Variants in KPNA7 observed in about 807,000 individuals in gnomAD.
KPNA7 encodes importin subunit alpha-8.
KPNA7 carries 54 observed loss-of-function variants against 53.7 expected under a neutral mutation model. That is an observed-to-expected ratio of 1.01 (90% confidence interval 0.81 to 1.26). The LOEUF (loss-of-function observed/expected upper bound fraction) is 1.26, where lower values mean the gene tolerates loss of function less well. Ranked by LOEUF, KPNA7 falls within the 50% of genes most tolerant of loss-of-function variation. KPNA7 has a pLI of 0.00. For missense variants in KPNA7, 640 were observed against 644.5 expected (o/e 0.99, Z 0.07); for synonymous variants, 276 against 259.3 (o/e 1.06, Z -0.62).
chr7:99,209,525 A>G (rs377271628), upstream of KPNA7, among the ~76,000 whole-genome samples: 2 of 151,996 alleles, frequency 1.3e-5, no homozygotes, highest in African/African-American at 4.8e-5. Context: ...CTCTACTAAA[A>G]GTACAAAATT....
the KPNA7 span, among the ~76,000 whole-genome samples, chr7:99,146,910 A>G: frequency 1.3e-5 from 2 of 152,134 alleles, no homozygotes; most frequent in Non-Finnish European, 2.9e-5. Flanking sequence ...TTTTGAATCA[A>G]AATTCGAAAT....
chr7:99,179,821 C>T (rs748945392), intron 9 of KPNA7, among the ~76,000 whole-genome samples: 46 of 151,926 alleles, frequency 3.0e-4, no homozygotes, highest in Non-Finnish European at 4.4e-4. Context: ...GTGATCTGCA[C>T]ACCTCGGCCT....
At chr7:99,161,213 T>G in the KPNA7 span, among the ~76,000 whole-genome samples, 3 of 147,058 alleles carry the variant, frequency 2.0e-5, no homozygotes, top group Non-Finnish European at 4.4e-5. Context: ...CTGTCTCCCA[T>G]GTACACAAAC....
intron 10 of KPNA7, 21 bp downstream of exon 10, chr7:99,177,899 C>G (rs1798973950): frequency 1.3e-6 from 2 of 1,551,426 alleles, no homozygotes; most frequent in Non-Finnish European, 1.7e-6. Flanking sequence ...GGATACTCCT[C>G]CACGCTCCTA....
the KPNA7 span, among the ~76,000 whole-genome samples, chr7:99,154,599 G>A: frequency 1.3e-5 from 2 of 148,698 alleles, no homozygotes; most frequent in East Asian, 3.9e-4. Flanking sequence ...GCACAATCTC[G>A]GCTCACTGTG....
the KPNA7 span, among the ~76,000 whole-genome samples, chr7:99,152,070 G>A: frequency 6.6e-6 from 1 of 152,154 alleles, no homozygotes; most frequent in African/African-American, 2.4e-5. Flanking sequence ...TGTAGTCCCA[G>A]CTACTCGGGA....
chr7:99,186,252 G>C (rs931882580), intron 7 of KPNA7, among the ~76,000 whole-genome samples: 1 of 152,106 alleles, frequency 6.6e-6, no homozygotes, highest in Non-Finnish European at 1.5e-5. Context: ...CTACGATTGG[G>C]CTCAAAACAA....
chr7:99,196,964 G>A (rs554535888), intron 3 of KPNA7, among the ~76,000 whole-genome samples: 39 of 152,130 alleles, frequency 2.6e-4, no homozygotes, highest in African/African-American at 9.2e-4. Context: ...ATAAACAACA[G>A]GCTAACAAAA....
At chr7:99,195,709 GAA>G (rs1412286374) in intron 4 of KPNA7, among the ~76,000 whole-genome samples, 4 of 151,882 alleles carry the variant, frequency 2.6e-5, no homozygotes, top group Non-Finnish European at 5.9e-5. Context: ...TCTCAAAAGA[GAA>G]AAAAAGAACC....
At chr7:99,179,059 G>C (rs1356650540) in intron 9 of KPNA7, among the ~76,000 whole-genome samples, 2 of 152,054 alleles carry the variant, frequency 1.3e-5, no homozygotes, top group Admixed American at 6.6e-5. Context: ...TTACAAGCAT[G>C]AGCCAATGCA....
In KPNA7 at chr7:99,180,478, C is replaced by A. The variant is rs546582571; in HGVS notation, c.1317+1405G>T. ...GATCACAGCACTCCAACCTCGGTGG[C>A]AGAGCAGAGATCCTATCTCTGTCTG... On this transcript the variant is annotated intron_variant, in intron 9 of 10. Coordinates refer to ENST00000327442, the MANE Select transcript of KPNA7 (RefSeq NM_001145715.3). Among the ~76,000 whole-genome samples, 12 of 150,408 alleles carry A rather than the reference C, an allele frequency of 8.0e-5. No homozygotes were observed. In the South Asian group the frequency reaches 2.5e-3, roughly 32 times the overall value.
In KPNA7 at chr7:99,194,034, A is replaced by G. The variant is rs533025304; in HGVS notation, c.554-933T>C. Among the ~76,000 whole-genome samples, 64 of 152,180 alleles carry G rather than the reference A, an allele frequency of 4.2e-4. 3 individuals carry two copies. The South Asian group carries it at 0.013, about 31-fold the overall frequency. On this transcript the variant is annotated intron_variant, in intron 5 of 10. Transcript: ENST00000327442. ...TTTTATATTCTGTTTGCTAATTCCA[A>G]TATGTGGAGTCCTTGGAGGTCTAAT...
At chr7:99,148,900 T>C in the KPNA7 span, among the ~76,000 whole-genome samples, 3 of 148,928 alleles carry the variant, frequency 2.0e-5, no homozygotes, top group Non-Finnish European at 4.5e-5. Context: ...GAACCGTTTT[T>C]TTTTTTTTTT....
At chr7:99,177,150 C>T (rs1798934528) in intron 10 of KPNA7, among the ~76,000 whole-genome samples, 1 of 152,166 alleles carries the variant, frequency 6.6e-6, no homozygotes, top group South Asian at 2.1e-4. Flanking sequence ...TACAATTCCA[C>T]TCATGAGGTC....
the KPNA7 span, among the ~76,000 whole-genome samples, chr7:99,163,341 CTATAAA>C: frequency 1.6e-5 from 2 of 124,474 alleles, no homozygotes; most frequent in African/African-American, 5.9e-5. Flanking sequence ...TATATATGCA[CTATAAA>C]TATGAGTGTG....
chr7:99,195,823 G>GGT (rs1790201398), intron 4 of KPNA7, among the ~76,000 whole-genome samples: 1 of 152,140 alleles, frequency 6.6e-6, no homozygotes, highest in Middle Eastern at 3.2e-3. Flanking sequence ...TCCCCTTTAA[G>GGT]GTGTTATCTA....
downstream of KPNA7, among the ~76,000 whole-genome samples, chr7:99,173,398 G>A (rs144762282): frequency 0.011 from 1,738 of 152,112 alleles, 35 homozygotes; most frequent in African/African-American, 0.04. Flanking sequence ...TCACTGTGTT[G>A]GCCAGGCTGG....
intron 9 of KPNA7, among the ~76,000 whole-genome samples, chr7:99,180,555 C>CTG (rs1554461549): frequency 1.3e-4 from 19 of 141,634 alleles, no homozygotes; most frequent in East Asian, 2.1e-4. Flanking sequence ...CTCCGTCTGT[C>CTG]TCTGTCTCTG....
At chr7:99,185,743 C>A (rs563485300) in intron 7 of KPNA7, among the ~76,000 whole-genome samples, 3 of 152,168 alleles carry the variant, frequency 2.0e-5, no homozygotes, top group African/African-American at 7.2e-5. Flanking sequence ...TTGGACTTTT[C>A]ATATGCTTTC....
Sources: gnomAD v4.1 joint callset for allele counts (sites outside exome capture counted in the v4.1 genomes callset) on GRCh38, gnomAD v4.1.1 for gene constraint, MANE v1.5 for transcripts, NCBI Gene and HGNC (gene_info 2026-07-23, HGNC 2026-07-21) for gene names.